Variants in CFAP92 observed in about 807,000 individuals in gnomAD.
CFAP92 encodes the protein cilia and flagella associated protein 92 (putative), also known as uncharacterized protein CFAP92.
In CFAP92, 86 loss-of-function variants were observed where a neutral mutation model predicts 106.3. That is an observed-to-expected ratio of 0.81 (90% CI 0.68 to 0.97). The LOEUF is 0.97. Ranked by LOEUF, CFAP92 falls within the 50% of genes least tolerant of loss-of-function variation. CFAP92 has a pLI of 0.00. For synonymous variants in CFAP92, 477 were observed against 506.4 expected, an observed-to-expected ratio of 0.94 and a Z score of 0.78; for missense variants, 1,204 against 1,283.8, an observed-to-expected ratio of 0.94 and a Z score of 0.95.
At chr3:129,011,025 C>G in the CFAP92 span, among the ~76,000 whole-genome samples, 1,308 of 152,238 alleles carry the variant, frequency 8.6e-3, 20 homozygotes, top group African/African-American at 0.03. Context: ...TATAAAGTGG[C>G]TATGGGATTC....
At chr3:128,998,108 T>G (rs896391208), upstream of CFAP92, among the ~76,000 whole-genome samples, 1 of 152,226 alleles carries the variant, frequency 6.6e-6, no homozygotes, top group Non-Finnish European at 1.5e-5. Context: ...TGGTGAAATG[T>G]CTGTTTGTAT....
At chr3:128,953,685 G>C (rs1457537996) in intron 9 of CFAP92, among the ~76,000 whole-genome samples, 1 of 129,704 alleles carries the variant, frequency 7.7e-6, no homozygotes, top group Non-Finnish European at 1.5e-5. Flanking sequence ...GGACTGTACT[G>C]CTGCCATCTC....
At chr3:128,939,287 C>T (rs74978179) in intron 10 of CFAP92, among the ~76,000 whole-genome samples, 5,158 of 152,004 alleles carry the variant, frequency 0.034, 153 homozygotes, top group South Asian at 0.11. Flanking sequence ...TACAGGTGTG[C>T]GCCACCACGC....
chr3:128,953,684 T>C (rs1319521375), intron 9 of CFAP92, among the ~76,000 whole-genome samples: 5 of 125,692 alleles, frequency 4.0e-5, no homozygotes, highest in Non-Finnish European at 7.9e-5. Flanking sequence ...TGGACTGTAC[T>C]GCTGCCATCT....
intron 15 of CFAP92, chr3:128,912,916 C>A (rs1314719136): frequency 7.3e-6 from 4 of 551,546 alleles, no homozygotes; most frequent in Non-Finnish European, 1.4e-5. Flanking sequence ...GGGGCTTATG[C>A]TGCTGCCTCC....
At position 128,965,530 on chromosome 3, in the gene CFAP92, A is replaced by T. The variant is rs191556099; in HGVS notation, c.1334T>A (p.Val445Glu). The T allele has an allele frequency of 7.5e-6, 3 of 399,046 alleles. No individual in the cohort carries two copies. Among genetic ancestry groups the T allele is most frequent in the Middle Eastern group, 6.3e-4 (1 of 1,588 alleles). 24.7% of individuals were successfully genotyped at this position (399,046 alleles called of 1,614,324 possible). A position where few individuals can be genotyped will look rare whatever the true frequency, so the allele number is the denominator to read the frequency against. Residue 445 changes from valine (V) to glutamate (E), a missense_variant, in exon 9 of 16, where the codon GTA (valine) becomes GAA (glutamate). Physicochemically the swap from Val to Glu is moderately radical, Grantham distance 121 (BLOSUM62 -2). Transcript: ENST00000645291. ...TCTTACCTCTAGTTCCTGAATGGGT[A>T]CAGGCTGTGATGGAAGGCAGGAAGC... ...KCASCLPSQPVPIQELERLCM... is the reference protein window; with the variant it reads ...KCASCLPSQPEPIQELERLCM...
chr3:129,021,095 CAT>C, the CFAP92 span, among the ~76,000 whole-genome samples: 8 of 152,136 alleles, frequency 5.3e-5, no homozygotes, highest in African/African-American at 1.9e-4. Context: ...GCTCCTGACA[CAT>C]GAGGGGCCCT....
In CFAP92 at chr3:128,987,682, T is replaced by C; in HGVS notation, c.601A>G (p.Lys201Glu). ...LWNTKDKMSR[K>E]VRYYRLKTAG... ...GTCTTTAATCGGTAATATCTGACTT[T>C]TCTTGACATCTTGTCTTTAGTGTTC... The change falls in exon 4 of 16, where the codon AAA (lysine) becomes GAA (glutamate). Residue 201 changes from lysine (K) to glutamate (E), a missense_variant. By Grantham distance (56) the Lys-to-Glu change is moderately conservative. Transcript: ENST00000645291. 6.2e-7 allele frequency: 1 copy of C among 1,614,072 alleles called. No individual in the cohort carries two copies. Among genetic ancestry groups the C allele is most frequent in the Non-Finnish European group, 8.5e-7 (1 of 1,179,906 alleles).
chr3:128,981,165 GA>G (rs1943508655), intron 4 of CFAP92, among the ~76,000 whole-genome samples: 1 of 146,240 alleles, frequency 6.8e-6, no homozygotes, highest in African/African-American at 2.5e-5. Flanking sequence ...GCCTCCCAAG[GA>G]GCTGGGACTA....
At chr3:128,962,780 A>C (rs1942044438) in intron 9 of CFAP92, among the ~76,000 whole-genome samples, 1 of 152,160 alleles carries the variant, frequency 6.6e-6, no homozygotes, top group Non-Finnish European at 1.5e-5. Context: ...AACTCTCCTT[A>C]CCATTCCCCC....
Position 128,938,586 on chromosome 3 carries a change from C to T in CFAP92, c.2259-3267G>A, listed in dbSNP as rs549920097. 1.1e-3 allele frequency among the ~76,000 whole-genome samples: 161 copies of T among 151,488 alleles called. 1 individual carries two copies. Among genetic ancestry groups the T allele is most frequent in the South Asian group, 5.4e-3 (26 of 4,780 alleles). On this transcript the variant is annotated intron_variant, in intron 10 of 15. Coordinates refer to ENST00000645291, the MANE Select transcript of CFAP92 (RefSeq NM_001394090.1). ...TCGGCTCACTGCAAGCTCCACCTCC[C>T]GGGTTCATGCCATTCTCCTGCCTCA...
rs901029765 is a variant in CFAP92 at position 128,925,634 on chromosome 3, T to C, written c.2751+7066A>G. Among the ~76,000 whole-genome samples, 38 of 152,160 alleles carry C rather than the reference T, an allele frequency of 2.5e-4. 1 individual carries two copies. The highest frequency in any genetic ancestry group is 8.9e-4 in the African/African-American group (37 of 41,498). ...AGGAAGAGAAGATGAATATAAGTAATATCTGAAGAGAAATACTGTCCTAGA... is the reference window on the plus strand; with the variant it reads ...AGGAAGAGAAGATGAATATAAGTAACATCTGAAGAGAAATACTGTCCTAGA... On this transcript the variant is annotated intron_variant, in intron 12 of 15. Transcript: ENST00000645291.
chr3:128,944,258 A>G (rs1026806073), intron 10 of CFAP92, among the ~76,000 whole-genome samples: 1 of 152,106 alleles, frequency 6.6e-6, no homozygotes, highest in Non-Finnish European at 1.5e-5. Context: ...ACTATTATAC[A>G]TAATGCTGCT....
chr3:129,022,972 C>A, the CFAP92 span, among the ~76,000 whole-genome samples: 10 of 152,238 alleles, frequency 6.6e-5, no homozygotes, highest in Non-Finnish European at 7.3e-5. Context: ...CAGTTGCTAG[C>A]CTCTCTTGAA....
At chr3:128,998,576 T>C (rs539253038), upstream of CFAP92, among the ~76,000 whole-genome samples, 17 of 152,322 alleles carry the variant, frequency 1.1e-4, 1 homozygote, top group African/African-American at 3.8e-4. Context: ...AAAATATGTA[T>C]ACTCCTTGGC....
intron 15 of CFAP92, among the ~76,000 whole-genome samples, chr3:128,911,093 G>C (rs1936255928): frequency 6.6e-6 from 1 of 152,206 alleles, no homozygotes; most frequent in African/African-American, 2.4e-5. Context: ...TTTCGCTCTT[G>C]TTGCCCAAGC....
chr3:128,973,355 G>A (rs958535895), intron 7 of CFAP92, among the ~76,000 whole-genome samples: 1 of 152,076 alleles, frequency 6.6e-6, no homozygotes, highest in Non-Finnish European at 1.5e-5. Flanking sequence ...TGCAAGCAGG[G>A]GGGAACAGAT....
chr3:129,025,046 G>C, the CFAP92 span, among the ~76,000 whole-genome samples: 2 of 152,154 alleles, frequency 1.3e-5, no homozygotes, highest in African/African-American at 2.4e-5. Flanking sequence ...ACAAGTCCAG[G>C]TGGCATGAGA....
intron 6 of CFAP92, 137 bp from the exon 7 acceptor site, chr3:128,976,040 C>A (rs1255120130): frequency 1.3e-6 from 1 of 787,758 alleles, no homozygotes; most frequent in East Asian, 3.1e-5. Flanking sequence ...CCCAGTGCTT[C>A]TCAGTTTTCA....
Sources: allele counts gnomAD v4.1 joint callset (sites outside exome capture counted in the v4.1 genomes callset), GRCh38; gene constraint gnomAD v4.1.1; transcripts MANE v1.5; gene names NCBI Gene and HGNC (gene_info 2026-07-23, HGNC 2026-07-21).